Variants in ANKHD1 observed in about 807,000 individuals in gnomAD.
The protein encoded by ANKHD1 is ankyrin repeat and KH domain containing 1.
ANKHD1 carries 31 observed loss-of-function variants against 230.5 expected under a neutral mutation model. The observed-to-expected ratio is 0.13, with a 90% CI of 0.10 to 0.18. The LOEUF (loss-of-function observed/expected upper bound fraction) is 0.18, where lower values mean the gene tolerates loss of function less well. Among genes scored for constraint, ANKHD1 ranks in the 10% least tolerant of loss-of-function variants. The pLI is 1.00. For synonymous variants in ANKHD1, 1,074 were observed against 1,117.6 expected, an observed-to-expected ratio of 0.96 and a Z score of 0.78; for missense variants, 2,256 against 3,071.3, an observed-to-expected ratio of 0.73 and a Z score of 6.27.
chr5:140,526,219 G>C lies in ANKHD1; in HGVS notation c.4716G>C (p.Lys1572Asn), dbSNP rs777991581. 6.2e-7 allele frequency: 1 copy of C among 1,614,078 alleles called. No individual in the cohort carries two copies. ...PEQHMSLAQQKADKNKINGEP... is the reference protein window; with the variant it reads ...PEQHMSLAQQNADKNKINGEP... ...AACATATGTCTTTAGCCCAACAAAA[G>C]GCAGATAAAAATAAAATAAATGGAG... The change falls in exon 26 of 34, where the codon AAG becomes AAC. Residue 1572 changes from lysine to asparagine, a missense_variant. By Grantham distance (94) the Lys-to-Asn change is moderately conservative. Transcript: ENST00000360839.
rs746146812 is a variant in ANKHD1, at chr5:140,528,176, T to C, written c.5238-8T>C. 3.7e-5 allele frequency: 57 copies of C among 1,557,434 alleles called. No homozygotes were observed. Among genetic ancestry groups the C allele is most frequent in the Middle Eastern group, 1.7e-4 (1 of 5,792 alleles). The stretch of plus-strand genomic sequence containing the variant: ...TTGGTCTTGTTTCTGTTTTTTTTTT[T>C]CCCTTAGGGGTGGCACAGAATCAAC... On this transcript the variant is annotated splice_polypyrimidine_tract_variant and splice_region_variant and intron_variant, in intron 28 of 33. Coordinates refer to ENST00000360839, the MANE Select transcript of ANKHD1 (RefSeq NM_017747.3).
At chr5:140,456,158 GT>G (rs963929830) in intron 7 of ANKHD1, among the ~76,000 whole-genome samples, 21 of 152,156 alleles carry the variant, frequency 1.4e-4, no homozygotes, top group Admixed American at 1.2e-3. Context: ...TACAAGGGAT[GT>G]AAAGGACCTC....
At chr5:140,412,001 G>A (rs1481998985) in intron 1 of ANKHD1, among the ~76,000 whole-genome samples, 1 of 151,698 alleles carries the variant, frequency 6.6e-6, no homozygotes, top group Non-Finnish European at 1.5e-5. Flanking sequence ...TGGGACCACA[G>A]GCGCACACCA....
chr5:140,417,757 T>A (rs1771515871), intron 1 of ANKHD1, among the ~76,000 whole-genome samples: 1 of 151,740 alleles, frequency 6.6e-6, no homozygotes, highest in African/African-American at 2.4e-5. Context: ...CCCAACCCAG[T>A]TACTTTTTAT....
chr5:140,429,116 T>A (rs1370588772), intron 1 of ANKHD1, among the ~76,000 whole-genome samples: 2 of 134,146 alleles, frequency 1.5e-5, no homozygotes, highest in East Asian at 2.2e-4. Flanking sequence ...TTTTGTGAGA[T>A]GGAGTCTCGC....
chr5:140,478,556 T>G (rs916605146), intron 10 of ANKHD1, among the ~76,000 whole-genome samples: 5 of 152,158 alleles, frequency 3.3e-5, no homozygotes, highest in Non-Finnish European at 5.9e-5. Context: ...TATTACAAAT[T>G]GAATCAGTAG....
intron 20 of ANKHD1, among the ~76,000 whole-genome samples, chr5:140,509,145 T>A (rs1752657770): frequency 6.6e-6 from 1 of 152,230 alleles, no homozygotes; most frequent in South Asian, 2.1e-4. Flanking sequence ...ATTCAATTTG[T>A]CTTTTTCTAT....
intron 24 of ANKHD1, among the ~76,000 whole-genome samples, chr5:140,515,273 G>T (rs796828195): frequency 6.7e-6 from 1 of 149,918 alleles, no homozygotes; most frequent in African/African-American, 2.5e-5. Context: ...GCTAGATTCT[G>T]TCCCCCCAAA....
chr5:140,497,076 G>A lies in ANKHD1; in HGVS notation c.2802G>A (p.Gln934=), dbSNP rs755511803. The A allele has an allele frequency of 1.2e-6, 2 of 1,614,150 alleles. No individual in the cohort carries two copies. Among genetic ancestry groups the A allele is most frequent in the Non-Finnish European group, 8.5e-7 (1 of 1,180,018 alleles). The change falls in exon 15 of 34, where the codon CAG becomes CAA. Residue 934 remains glutamine (Q), a synonymous_variant. Coordinates refer to ENST00000360839, the MANE Select transcript of ANKHD1 (RefSeq NM_017747.3). ...CAGTCCAGCCTTTATCATCTCCACA[G>A]TGTAACTTTTCCAGTGACTTAGGTT... ...FVPVQPLSSP[Q]CNFSSDLGSN...
chr5:140,517,011 C>G (rs1753048114), intron 24 of ANKHD1, among the ~76,000 whole-genome samples: 1 of 150,998 alleles, frequency 6.6e-6, no homozygotes, highest in Non-Finnish European at 1.5e-5. Context: ...GATAAAGAGT[C>G]AAGACCCATC....
chr5:140,414,639 C>G (rs1442730389), intron 1 of ANKHD1, among the ~76,000 whole-genome samples: 1 of 152,020 alleles, frequency 6.6e-6, no homozygotes, highest in Non-Finnish European at 1.5e-5. Flanking sequence ...CAGAACCAGC[C>G]TGGGCAATAT....
At chr5:140,453,460 T>A (rs181055802) in intron 7 of ANKHD1, among the ~76,000 whole-genome samples, 5 of 152,168 alleles carry the variant, frequency 3.3e-5, no homozygotes, top group African/African-American at 9.6e-5. Context: ...GGGCAGCCAG[T>A]GAGAGAGGTC....
intron 7 of ANKHD1, among the ~76,000 whole-genome samples, chr5:140,449,544 C>T (rs1282734901): frequency 6.6e-6 from 1 of 151,996 alleles, no homozygotes; most frequent in Non-Finnish European, 1.5e-5. Context: ...TGCCTGTAGT[C>T]CCAGCTACTC....
chr5:140,472,871 AAT>A (rs1750736829), intron 10 of ANKHD1, among the ~76,000 whole-genome samples: 1 of 152,110 alleles, frequency 6.6e-6, no homozygotes, highest in Non-Finnish European at 1.5e-5. Flanking sequence ...CTTTTGAAAA[AAT>A]GTGTGAATTT....
chr5:140,505,993 A>G, intron 18 of ANKHD1, 124 bp downstream of exon 18: 1 of 1,451,302 alleles, frequency 6.9e-7, no homozygotes, highest in Non-Finnish European at 9.2e-7. Context: ...TTTCTGAGGC[A>G]GGGTCTTGCT....
intron 24 of ANKHD1, among the ~76,000 whole-genome samples, chr5:140,523,307 T>G (rs919376826): frequency 6.6e-6 from 1 of 151,696 alleles, no homozygotes; most frequent in East Asian, 1.9e-4. Flanking sequence ...GGGATCTTGC[T>G]ATATTGCCCA....
intron 10 of ANKHD1, among the ~76,000 whole-genome samples, chr5:140,480,951 T>G (rs1751247971): frequency 6.6e-6 from 1 of 152,028 alleles, no homozygotes; most frequent in Non-Finnish European, 1.5e-5. Flanking sequence ...GAGAGCTTCA[T>G]AGAGATGTAT....
chr5:140,515,958 C>T (rs1353139833), intron 24 of ANKHD1, among the ~76,000 whole-genome samples: 3 of 152,164 alleles, frequency 2.0e-5, no homozygotes, highest in African/African-American at 7.2e-5. Context: ...ATGACTTTGA[C>T]GAGCTGAGAG....
At position 140,455,799 on chromosome 5, in the gene ANKHD1, T is replaced by G. The variant is rs1775134032; in HGVS notation, c.1243-2826T>G. Among the ~76,000 whole-genome samples, 3 of 152,266 alleles carry G rather than the reference T, an allele frequency of 2.0e-5. No individual in the cohort carries two copies. The East Asian group carries it at 5.8e-4, about 29-fold the overall frequency. ...AACTGGAAGCATTCCCTTTGAAAAG[T>G]GGCACAAGACAGGCATGCCGTCTCT... On this transcript the variant is annotated intron_variant, in intron 7 of 33. Coordinates refer to ENST00000360839, the MANE Select transcript of ANKHD1 (RefSeq NM_017747.3).
Sources: gnomAD v4.1 joint callset for allele counts (sites outside exome capture counted in the v4.1 genomes callset) on GRCh38, gnomAD v4.1.1 for gene constraint, MANE v1.5 for transcripts, NCBI Gene and HGNC (gene_info 2026-07-23, HGNC 2026-07-21) for gene names.